Variants in SETD5 observed in about 807,000 individuals in gnomAD.
SETD5 encodes histone-lysine N-methyltransferase SETD5.
SETD5 carries 44 observed loss-of-function variants against 153.3 expected under a neutral mutation model. The ratio of observed to expected loss-of-function variants is 0.29; its 90% CI spans 0.23 to 0.37. SETD5 has a LOEUF of 0.37. Ranked by LOEUF, SETD5 falls within the 10% of genes least tolerant of loss-of-function variation. The pLI, the probability that SETD5 is intolerant of heterozygous loss-of-function variation, is 1.00. For missense variants in SETD5, 1,544 were observed against 1,768.0 expected, an observed-to-expected ratio of 0.87 and a Z score of 2.27; for synonymous variants, 716 against 645.2, an observed-to-expected ratio of 1.11 and a Z score of -1.66.
chr3:9,404,719 A>G (rs755492558), intron 1 of SETD5, among the ~76,000 whole-genome samples: 10 of 152,216 alleles, frequency 6.6e-5, no homozygotes, highest in Non-Finnish European at 1.3e-4. Context: ...TCTTCAGGGT[A>G]GCTTCCATTG....
Position 9,475,581 on chromosome 3 carries a change from T to C in SETD5, c.3819T>C (p.Ser1273=), listed in dbSNP as rs777309500. 3.1e-6 allele frequency: 5 copies of C among 1,613,806 alleles called. No individual in the cohort carries two copies. Among genetic ancestry groups the C allele is most frequent in the Non-Finnish European group, 2.5e-6 (3 of 1,179,884 alleles). Residue 1273 remains serine, a synonymous_variant, in exon 23 of 23, where the codon AGT becomes AGC. Coordinates refer to ENST00000402198, the MANE Select transcript of SETD5 (RefSeq NM_001080517.3). ...ATCCTACACAGTCTCCAGGATACAG[T>C]TATCGAACTACTGCACTGAGACCTG... The part of the protein sequence containing the change: ...RGHPTQSPGY[S]YRTTALRPGN...
chr3:9,425,803 G>A (rs557396442), intron 2 of SETD5, among the ~76,000 whole-genome samples: 68 of 152,154 alleles, frequency 4.5e-4, no homozygotes, highest in Non-Finnish European at 8.4e-4. Flanking sequence ...TTAAATGGGT[G>A]TACAGTCGTA....
intron 17 of SETD5, among the ~76,000 whole-genome samples, chr3:9,460,852 A>T (rs1311244646): frequency 6.6e-6 from 1 of 152,146 alleles, no homozygotes; most frequent in African/African-American, 2.4e-5. Flanking sequence ...TTTTTAATTA[A>T]AATCTAAATT....
chr3:9,409,841 C>T (rs78987257), intron 1 of SETD5, among the ~76,000 whole-genome samples: 2,264 of 152,268 alleles, frequency 0.015, 49 homozygotes, highest in African/African-American at 0.052. Context: ...AATCTTTCTC[C>T]CTTTCCCCAT....
chr3:9,448,711 A>G, intron 16 of SETD5, 81 bp downstream of exon 16: 1 of 1,357,464 alleles, frequency 7.4e-7, no homozygotes, highest in Non-Finnish European at 9.8e-7. Flanking sequence ...TATCATCATG[A>G]CATAAATAAA....
At chr3:9,463,167 G>T (rs552497752) in intron 17 of SETD5, among the ~76,000 whole-genome samples, 6 of 152,232 alleles carry the variant, frequency 3.9e-5, no homozygotes, top group Admixed American at 2.6e-4. Flanking sequence ...CTGCAGGCAT[G>T]CACCACCACT....
intron 7 of SETD5, among the ~76,000 whole-genome samples, chr3:9,440,174 A>T (rs2041095851): frequency 6.6e-6 from 1 of 152,340 alleles, no homozygotes; most frequent in East Asian, 1.9e-4. Context: ...TGGTCATAAA[A>T]TCACAGTGAT....
intron 1 of SETD5, among the ~76,000 whole-genome samples, chr3:9,402,811 A>C (rs889011739): frequency 1.3e-5 from 2 of 152,218 alleles, no homozygotes; most frequent in Admixed American, 1.3e-4. Context: ...GTGCTACCTA[A>C]TGGAGGGGAA....
At chr3:9,451,104 A>G (rs1252576595) in intron 16 of SETD5, among the ~76,000 whole-genome samples, 1 of 152,172 alleles carries the variant, frequency 6.6e-6, no homozygotes, top group Admixed American at 6.5e-5. Flanking sequence ...TCTAAACACA[A>G]TGTGTATAGG....
At chr3:9,423,925 C>T (rs1473742313) in intron 1 of SETD5, among the ~76,000 whole-genome samples, 2 of 151,974 alleles carry the variant, frequency 1.3e-5, no homozygotes, top group Admixed American at 1.3e-4. Context: ...TCCATTTGAC[C>T]GCAAATAGAA....
chr3:9,404,589 G>T (rs2035364505), intron 1 of SETD5, among the ~76,000 whole-genome samples: 1 of 152,090 alleles, frequency 6.6e-6, no homozygotes, highest in South Asian at 2.1e-4. Context: ...GACTAAAATA[G>T]AAGCCATCTA....
rs775385723 is a variant in SETD5, at chr3:9,475,604, C to G, written c.3842C>G (p.Pro1281Arg). The change falls in exon 23 of 23, where the codon CCT becomes CGT. Residue 1281 changes from proline (P) to arginine (R), a missense_variant. Physicochemically the swap from Pro to Arg is moderately radical, Grantham distance 103. Transcript: ENST00000402198. Reference sequence around the variant, plus strand: ...AGTTATCGAACTACTGCACTGAGACCTGGAAACCCCCCCTCTCACGGTTCT... The same window carrying G: ...AGTTATCGAACTACTGCACTGAGACGTGGAAACCCCCCCTCTCACGGTTCT... ...GYSYRTTALR[P>R]GNPPSHGSSE... 6.2e-7 allele frequency: 1 copy of G among 1,613,956 alleles called. No homozygotes were observed. The highest frequency in any genetic ancestry group is 1.1e-5 in the South Asian group (1 of 91,080).
At chr3:9,475,186 A>T (rs370763495) in intron 22 of SETD5, 30 bp downstream of exon 22, 2 of 1,551,488 alleles carry the variant, frequency 1.3e-6, no homozygotes, top group African/African-American at 2.7e-5. Flanking sequence ...GTCTCTAGCC[A>T]TAGGAGTGTG....
At chr3:9,466,060 A>T (rs1020141705) in intron 18 of SETD5, among the ~76,000 whole-genome samples, 2 of 152,138 alleles carry the variant, frequency 1.3e-5, no homozygotes, top group Admixed American at 1.3e-4. Context: ...AGGCTGAGGC[A>T]GGCGGATCAC....
In SETD5 at chr3:9,470,814, G is replaced by A; in HGVS notation, c.3080G>A (p.Ser1027Asn). The change falls in exon 19 of 23, where the codon AGC becomes AAC. Residue 1027 changes from serine (S) to asparagine (N), a missense_variant. Physicochemically the swap from Ser to Asn is conservative, Grantham distance 46 (BLOSUM62 1). Transcript: ENST00000402198. The part of the protein sequence containing the change: ...GYCSPAEGFS[S>N]RYEHGLMKDL... ...TGTTCCCCTGCAGAAGGATTTTCCA[G>A]CAGATATGAACATGGCTTAATGAAA... is the stretch of plus-strand genomic sequence containing the variant. 2 of 1,613,420 alleles carry A rather than the reference G, an allele frequency of 1.2e-6. No individual in the cohort carries two copies. Among genetic ancestry groups the A allele is most frequent in the Non-Finnish European group, 1.7e-6 (2 of 1,179,604 alleles).
chr3:9,398,608 C>G (rs2034161232), intron 1 of SETD5: 1 of 152,206 alleles, frequency 6.6e-6, no homozygotes. Context: ...GTGTAGGGTT[C>G]GAGCCTGGAG....
intron 3 of SETD5, among the ~76,000 whole-genome samples, chr3:9,433,209 T>C (rs2040175762): frequency 6.6e-6 from 1 of 152,376 alleles, no homozygotes; most frequent in African/African-American, 2.4e-5. Flanking sequence ...AGTTCTATGG[T>C]ATTATCATGC....
At chr3:9,409,260 C>T (rs1287548823) in intron 1 of SETD5, among the ~76,000 whole-genome samples, 1 of 151,970 alleles carries the variant, frequency 6.6e-6, no homozygotes, top group Non-Finnish European at 1.5e-5. Flanking sequence ...GAATACTCAC[C>T]CTTATTTTTA....
Position 9,447,188 on chromosome 3 carries a change from G to T in SETD5, c.1663G>T (p.Gly555Cys), listed in dbSNP as rs1172326864. The T allele has an allele frequency of 6.2e-7, 1 of 1,613,968 alleles. No individual in the cohort carries two copies. The highest frequency in any genetic ancestry group is 8.5e-7 in the Non-Finnish European group (1 of 1,179,888). The change falls in exon 14 of 23, where the codon GGT becomes TGT. Residue 555 changes from glycine to cysteine, a missense_variant. Physicochemically the swap from Gly to Cys is radical, Grantham distance 159. Around this residue, in one of 9 missense-constraint regions of SETD5, gnomAD observed 782 missense variants for 787.2 expected, o/e 0.99. Coordinates refer to ENST00000402198, the MANE Select transcript of SETD5 (RefSeq NM_001080517.3). ...ITTTTSETPVGEETKTEAPES... is the reference protein window; with the variant it reads ...ITTTTSETPVCEETKTEAPES... ...TACAACCACCTCAGAGACTCCTGTT[G>T]GTGAAGAGACAAAAACTGAAGCCCC...
Sources: allele counts gnomAD v4.1 joint callset (sites outside exome capture counted in the v4.1 genomes callset), GRCh38; gene constraint gnomAD v4.1.1; regional missense constraint gnomAD v4.1.1; transcripts MANE v1.5; gene names NCBI Gene and HGNC (gene_info 2026-07-23, HGNC 2026-07-21).